Variants in SETD2 observed in about 807,000 individuals in gnomAD.
SETD2 encodes the protein histone-lysine N-methyltransferase SETD2.
A neutral mutation model predicts 242.1 loss-of-function variants in SETD2; 31 were observed. The ratio of observed to expected loss-of-function variants is 0.13; its 90% CI spans 0.10 to 0.17. SETD2 has a LOEUF of 0.17. Ranked by LOEUF, SETD2 falls within the 10% of genes least tolerant of loss-of-function variation. SETD2 has a pLI of 1.00. For missense variants in SETD2, 2,481 were observed against 3,046.3 expected (o/e 0.81, Z 4.37); for synonymous variants, 1,006 against 1,066.5 (o/e 0.94, Z 1.11).
rs574367246 is a variant in SETD2 at position 47,155,532 on chromosome 3, G to C, written c.71+8322C>G. 1.6e-3 allele frequency among the ~76,000 whole-genome samples: 245 copies of C among 152,304 alleles called. 1 individual carries two copies. The highest frequency in any genetic ancestry group is 2.7e-3 in the Non-Finnish European group (181 of 68,026). ...TTTTTCAAAATAAAAAGTGTTTTCT[G>C]ACAGGCGCAGTGGCTCACACCTGTA... On this transcript the variant is annotated intron_variant, in intron 1 of 20. Coordinates refer to ENST00000409792, the MANE Select transcript of SETD2 (RefSeq NM_014159.7).
intron 12 of SETD2, among the ~76,000 whole-genome samples, chr3:47,075,032 G>C (rs571689068): frequency 1.2e-3 from 189 of 152,046 alleles, no homozygotes; most frequent in African/African-American, 4.2e-3. Flanking sequence ...TACTCCGGAG[G>C]CTGTGGCAGG....
intron 12 of SETD2, among the ~76,000 whole-genome samples, chr3:47,075,618 A>C (rs2041038743): frequency 6.6e-6 from 1 of 152,048 alleles, no homozygotes; most frequent in Non-Finnish European, 1.5e-5. Context: ...TGCCAAAGAA[A>C]CACAATTGCA....
chr3:47,164,082 TC>T lies in SETD2; in HGVS notation c.-159del. On this transcript the variant is annotated 5_prime_UTR_variant, in exon 1 of 21. Coordinates refer to ENST00000409792, the MANE Select transcript of SETD2 (RefSeq NM_014159.7). The surrounding 1 kb of genome is among the most constrained non-coding windows in gnomAD (Gnocchi z 5.4). ...CGTCGCTACCTCGCTCGTCGCTCCC[TC>T]CCTCCCTCGGACGCCCGCCAGCCGC... 1 of 1,178,812 alleles carries T rather than the reference TC, an allele frequency of 8.5e-7. No homozygotes were observed. Among genetic ancestry groups the T allele is most frequent in the Non-Finnish European group, 1.1e-6 (1 of 946,416 alleles). The allele number at this position is 1,178,812 out of a possible 1,614,324, so 73.0% of individuals were successfully genotyped here. A position where few individuals can be genotyped will look rare whatever the true frequency, so the allele number is the denominator to read the frequency against.
intron 3 of SETD2, chr3:47,119,737 G>T: frequency 2.2e-6 from 1 of 449,172 alleles, no homozygotes. Flanking sequence ...GTCTTTATCA[G>T]CAGCATGAAA....
chr3:47,052,606 C>T (rs1432098793), intron 15 of SETD2, among the ~76,000 whole-genome samples: 3 of 152,208 alleles, frequency 2.0e-5, no homozygotes, highest in African/African-American at 7.2e-5. Context: ...CACCTGAGGT[C>T]AGGAGTTCGA....
At chr3:47,157,288 G>T (rs1043433654) in intron 1 of SETD2, among the ~76,000 whole-genome samples, 28 of 151,984 alleles carry the variant, frequency 1.8e-4, no homozygotes, top group African/African-American at 6.8e-4. Flanking sequence ...CAGGAGTGGT[G>T]GTGCACATTT....
rs2106647673 is a variant in SETD2, at chr3:47,121,366, G to A, written c.3270C>T (p.Ser1090=). The A allele has an allele frequency of 1.2e-6, 2 of 1,609,526 alleles. No homozygotes were observed. The highest frequency in any genetic ancestry group is 1.7e-6 in the Non-Finnish European group (2 of 1,179,982). Residue 1090 remains serine (S), a synonymous_variant, in exon 3 of 21, where the codon AGC becomes AGT. Transcript: ENST00000409792. ...CAGAATAGTGTCTATAACTTTGACT[G>A]CTCCGAGAAGAACAAGGACTTGTTT... ...MEETSPCSSR[S]SQSYRHYSDH... is the part of the protein sequence containing the mutation.
chr3:47,046,822 C>T, intron 15 of SETD2: 1 of 358,682 alleles, frequency 2.8e-6, no homozygotes, highest in Admixed American at 4.5e-5. Flanking sequence ...TATTCATTTA[C>T]TTACTTTGAT....
At chr3:47,101,597 AGTGTGTGTGTGTGT>A (rs61571386) in intron 7 of SETD2, 42 bp from the exon 8 acceptor site, 135 of 734,096 alleles carry the variant, frequency 1.8e-4, no homozygotes, top group South Asian at 1.5e-3. Context: ...GTAACTTATT[AGTGTGTGTGTGTGT>A]GTGTGTGTGT....
chr3:47,030,334 A>T (rs1190172322), intron 18 of SETD2, among the ~76,000 whole-genome samples: 1 of 152,188 alleles, frequency 6.6e-6, no homozygotes, highest in African/African-American at 2.4e-5. Flanking sequence ...TCAATACAGC[A>T]GAAGGTAAAT....
chr3:47,091,742 G>A (rs546714430), intron 9 of SETD2, among the ~76,000 whole-genome samples: 1 of 152,058 alleles, frequency 6.6e-6, no homozygotes, highest in African/African-American at 2.4e-5. Context: ...TAGCCTGGGC[G>A]ACAGAGCAAG....
chr3:47,098,265 T>G lies in SETD2; in HGVS notation c.5016-184A>C, dbSNP rs186212811. On this transcript the variant is annotated intron_variant, in intron 8 of 20. Coordinates refer to ENST00000409792, the MANE Select transcript of SETD2 (RefSeq NM_014159.7). ...GTCTGAAAACTGCTCTTTAAAAATATTCATTATTTTTCCAATCATCTTTCT... is the reference window on the plus strand; with the variant it reads ...GTCTGAAAACTGCTCTTTAAAAATAGTCATTATTTTTCCAATCATCTTTCT... The G allele has an allele frequency of 3.2e-3, 1,332 of 421,086 alleles. 5 individuals carry two copies. The highest frequency in any genetic ancestry group is 6.5e-3 in the Admixed American group (156 of 23,834). The allele number at this position is 421,086 out of a possible 1,614,324, so 26.1% of individuals were successfully genotyped here. A position where few individuals can be genotyped will look rare whatever the true frequency, so the allele number is the denominator to read the frequency against.
intron 15 of SETD2, among the ~76,000 whole-genome samples, chr3:47,056,012 CAAAAAAAAAAAAAA>C (rs1167181294): frequency 1.0e-4 from 4 of 39,556 alleles, no homozygotes; most frequent in African/African-American, 2.4e-4. Context: ...GACTCCGTCT[CAAAAAAAAAAAAAA>C]AAAAAAAAAA....
intron 12 of SETD2, among the ~76,000 whole-genome samples, chr3:47,073,266 G>A (rs1436034358): frequency 6.6e-6 from 1 of 152,136 alleles, no homozygotes; most frequent in African/African-American, 2.4e-5. Context: ...GAGCCTAGAA[G>A]TTCAGGTGCC....
At chr3:47,019,866 G>A (rs772977646) in intron 18 of SETD2, 26 bp from the exon 19 acceptor site, 46 of 1,598,834 alleles carry the variant, frequency 2.9e-5, no homozygotes, top group South Asian at 1.7e-4. Flanking sequence ...AAAACACAGT[G>A]GTGCTGGCAT....
intron 18 of SETD2, 60 bp downstream of exon 18, chr3:47,037,606 C>A: frequency 8.0e-7 from 1 of 1,249,832 alleles, no homozygotes; most frequent in South Asian, 1.2e-5. Context: ...CAAGACCATG[C>A]GGGATGGTCT....
At chr3:47,049,343 A>ATG (rs2039694586) in intron 15 of SETD2, among the ~76,000 whole-genome samples, 3 of 51,330 alleles carry the variant, frequency 5.8e-5, no homozygotes, top group African/African-American at 2.7e-4. Flanking sequence ...ATATATATAT[A>ATG]TATATGTATT....
At chr3:47,051,271 A>G (rs1331730238) in intron 15 of SETD2, among the ~76,000 whole-genome samples, 2 of 151,872 alleles carry the variant, frequency 1.3e-5, no homozygotes, top group African/African-American at 4.8e-5. Flanking sequence ...CATCCAACTA[A>G]TTTTTGTATT....
intron 15 of SETD2, among the ~76,000 whole-genome samples, chr3:47,051,779 G>A (rs1445620816): frequency 1.3e-5 from 2 of 151,522 alleles, no homozygotes; most frequent in Non-Finnish European, 2.9e-5. Flanking sequence ...AGAGTGACCA[G>A]GAAGTCAATC....
Sources: allele counts gnomAD v4.1 joint callset (sites outside exome capture counted in the v4.1 genomes callset), GRCh38; gene constraint gnomAD v4.1.1; non-coding constraint Gnocchi (gnomAD v3.1); transcripts MANE v1.5; gene names NCBI Gene and HGNC (gene_info 2026-07-23, HGNC 2026-07-21).